The following USP40 variants were observed in gnomAD, a reference collection of about 807,000 sequenced individuals.
USP40 encodes ubiquitin specific peptidase 40, also known as ubiquitin carboxyl-terminal hydrolase 40.
In USP40, 143 loss-of-function variants were observed where a neutral mutation model predicts 166.2. That is an observed-to-expected ratio of 0.86 (90% CI 0.75 to 0.99). USP40 has a LOEUF of 0.99. Ranked by LOEUF, USP40 falls within the 50% of genes least tolerant of loss-of-function variation. The probability of loss-of-function intolerance (pLI) is 0.00; values close to 1 mark genes in which losing one functional copy is unlikely to be tolerated. For missense variants in USP40, 1,444 were observed against 1,479.7 expected, an observed-to-expected ratio of 0.98 and a Z score of 0.40; for synonymous variants, 498 against 524.0, an observed-to-expected ratio of 0.95 and a Z score of 0.68.
At chr2:233,558,771 C>T (rs73996127) in intron 4 of USP40, among the ~76,000 whole-genome samples, 2,105 of 152,250 alleles carry the variant, frequency 0.014, 44 homozygotes, top group African/African-American at 0.048. Context: ...ATGTAAATTA[C>T]ATCTCAATAC....
rs982706682 is a variant in USP40 at position 233,480,616 on chromosome 2, G to A, written c.3599+587C>T. On this transcript the variant is annotated intron_variant, in intron 31 of 31. Transcript: ENST00000678225. The surrounding 1 kb of genome is among the most constrained non-coding windows in gnomAD (Gnocchi z 4.5). ...AGTGCAGAGCCAGACAACGGCAGGC[G>A]GCGCCAGAGCTGGGAGGAGGGAGAG... 2.6e-5 allele frequency among the ~76,000 whole-genome samples: 4 copies of A among 152,226 alleles called. No individual in the cohort carries two copies. Among genetic ancestry groups the A allele is most frequent in the African/African-American group, 7.2e-5 (3 of 41,446 alleles).
chr2:233,487,072 C>A lies in USP40; in HGVS notation c.3198-1095G>T, dbSNP rs529966641. On this transcript the variant is annotated intron_variant, in intron 28 of 31. Coordinates refer to ENST00000678225, the MANE Select transcript of USP40 (RefSeq NM_001365479.2). ...TTCAAAAGGGCAAAAGGCACTGTGC[C>A]TATCAAAACCTGACACAGCTTACAA... is the stretch of plus-strand genomic sequence containing the variant. 8.4e-4 allele frequency among the ~76,000 whole-genome samples: 128 copies of A among 152,310 alleles called. 2 individuals are homozygous for A. The South Asian group carries it at 0.012, about 15-fold the overall frequency.
intron 30 of USP40, among the ~76,000 whole-genome samples, chr2:233,483,350 G>A (rs964116004): frequency 6.6e-6 from 1 of 152,118 alleles, no homozygotes; most frequent in Non-Finnish European, 1.5e-5. Flanking sequence ...AATTAGCCGG[G>A]CATAATGGCA....
Position 233,564,771 on chromosome 2 carries a change from T to G in USP40, c.199+585A>C, listed in dbSNP as rs544083285. ...GCCAGCTTCCATTAATCAAGCAGATTAATATTCCTGTAATGAATGTATGAA... is the reference window on the plus strand; with the variant it reads ...GCCAGCTTCCATTAATCAAGCAGATGAATATTCCTGTAATGAATGTATGAA... On this transcript the variant is annotated intron_variant, in intron 2 of 31. Coordinates refer to ENST00000678225, the MANE Select transcript of USP40 (RefSeq NM_001365479.2). 2.0e-5 allele frequency among the ~76,000 whole-genome samples: 3 copies of G among 152,304 alleles called. No homozygotes were observed. In the South Asian group the frequency reaches 6.2e-4, roughly 32 times the overall value.
At chr2:233,528,350 C>G (rs1402602884) in intron 12 of USP40, among the ~76,000 whole-genome samples, 1 of 152,126 alleles carries the variant, frequency 6.6e-6, no homozygotes, top group Non-Finnish European at 1.5e-5. Context: ...TCCTTGGCAG[C>G]AGCCTGGTGT....
intron 1 of USP40, 121 bp from the exon 2 acceptor site, chr2:233,565,694 T>TAGAA: frequency 4.5e-6 from 4 of 889,520 alleles, no homozygotes; most frequent in Non-Finnish European, 6.6e-6. Flanking sequence ...TGTTTCTATG[T>TAGAA]ACAGTAGTTG....
chr2:233,500,198 T>C (rs2065983933), intron 21 of USP40, among the ~76,000 whole-genome samples: 1 of 152,208 alleles, frequency 6.6e-6, no homozygotes, highest in Non-Finnish European at 1.5e-5. Context: ...ACCATGACTT[T>C]CTTCCTGTAA....
At chr2:233,491,770 A>C (rs1020558922) in intron 25 of USP40, among the ~76,000 whole-genome samples, 2 of 152,160 alleles carry the variant, frequency 1.3e-5, no homozygotes, top group Admixed American at 6.5e-5. Flanking sequence ...ATAAATGTTT[A>C]TTTATAAGGA....
At chr2:233,519,805 A>G (rs997936091) in intron 17 of USP40, 134 bp from the exon 18 acceptor site, 43 of 513,922 alleles carry the variant, frequency 8.4e-5, no homozygotes, top group Non-Finnish European at 3.0e-5. Context: ...TGCCCACTGG[A>G]AATTTTTCCA....
intron 14 of USP40, among the ~76,000 whole-genome samples, chr2:233,525,102 C>G (rs1322210744): frequency 6.6e-6 from 1 of 152,152 alleles, no homozygotes; most frequent in Non-Finnish European, 1.5e-5. Context: ...TGTTTTACTA[C>G]AAAATCTGAA....
chr2:233,524,700 T>A, intron 14 of USP40, 138 bp from the exon 15 acceptor site: 1 of 599,150 alleles, frequency 1.7e-6, no homozygotes, highest in South Asian at 3.0e-5. Flanking sequence ...ATTTTTATTC[T>A]ATTGACATTA....
At chr2:233,564,793 T>A (rs1453908034) in intron 2 of USP40, among the ~76,000 whole-genome samples, 1 of 152,238 alleles carries the variant, frequency 6.6e-6, no homozygotes, top group Non-Finnish European at 1.5e-5. Flanking sequence ...AATGAATGTA[T>A]GAACATTCAC....
intron 23 of USP40, among the ~76,000 whole-genome samples, 189 bp from the exon 24 acceptor site, chr2:233,497,021 TA>T (rs1172171657): frequency 1.3e-5 from 2 of 152,190 alleles, no homozygotes; most frequent in Admixed American, 6.5e-5. Context: ...TTGTGGGGCA[TA>T]AGCTGTAAGT....
At chr2:233,543,173 T>C (rs1304758965) in intron 8 of USP40, among the ~76,000 whole-genome samples, 1 of 152,234 alleles carries the variant, frequency 6.6e-6, no homozygotes, top group Admixed American at 6.5e-5. Flanking sequence ...ACATGCCATC[T>C]TGCAGAAGTA....
intron 1 of USP40, among the ~76,000 whole-genome samples, chr2:233,566,335 T>C (rs2072153369): frequency 6.6e-6 from 1 of 152,156 alleles, no homozygotes; most frequent in South Asian, 2.1e-4. Context: ...GTAAAGCGCC[T>C]AGCATAGGTA....
intron 23 of USP40, 146 bp from the exon 24 acceptor site, chr2:233,496,978 G>T: frequency 1.7e-6 from 1 of 599,710 alleles, no homozygotes. Flanking sequence ...AATAAGCTAA[G>T]ACTATAAAAT....
chr2:233,488,219 T>C lies in USP40; in HGVS notation c.3197+20A>G. 1 of 1,592,682 alleles carries C rather than the reference T, an allele frequency of 6.3e-7. No homozygotes were observed. Among genetic ancestry groups the C allele is most frequent in the South Asian group, 1.1e-5 (1 of 87,444 alleles). On this transcript the variant is annotated intron_variant, in intron 28 of 31. Transcript: ENST00000678225. Reference sequence around the variant, plus strand: ...TAAGATACGTGTGTGTCACTTCAGATGCACAGGAGAATTTCTTACCCCAAG... The same window carrying C: ...TAAGATACGTGTGTGTCACTTCAGACGCACAGGAGAATTTCTTACCCCAAG...
At chr2:233,554,356 G>A in intron 6 of USP40, 24 bp downstream of exon 6, 2 of 1,580,132 alleles carry the variant, frequency 1.3e-6, no homozygotes, top group African/African-American at 1.4e-5. Context: ...GGGACCCTGG[G>A]AAAAAGCAGT....
chr2:233,513,186 G>C (rs1479651077), intron 18 of USP40, among the ~76,000 whole-genome samples: 1 of 152,132 alleles, frequency 6.6e-6, no homozygotes, highest in Admixed American at 6.5e-5. Flanking sequence ...GTGGCAAACT[G>C]TCATACTCCT....
Sources: allele counts gnomAD v4.1 joint callset (sites outside exome capture counted in the v4.1 genomes callset), GRCh38; gene constraint gnomAD v4.1.1; non-coding constraint Gnocchi (gnomAD v3.1); transcripts MANE v1.5; gene names NCBI Gene and HGNC (gene_info 2026-07-23, HGNC 2026-07-21).